Variants in ADAMTS12 observed in about 807,000 individuals in gnomAD.
The protein encoded by ADAMTS12 is A disintegrin and metalloproteinase with thrombospondin motifs 12.
ADAMTS12 carries 118 observed loss-of-function variants against 167.8 expected under a neutral mutation model. The observed-to-expected ratio is 0.70, with a 90% CI of 0.61 to 0.82. The LOEUF is 0.82. Among genes scored for constraint, ADAMTS12 ranks in the 40% least tolerant of loss-of-function variants. The pLI is 0.00. For synonymous variants in ADAMTS12, 704 were observed against 716.9 expected (o/e 0.98, Z 0.29); for missense variants, 1,916 against 1,998.8 (o/e 0.96, Z 0.79).
At chr5:33,648,605 T>G (rs1740764173) in intron 9 of ADAMTS12, among the ~76,000 whole-genome samples, 1 of 152,192 alleles carries the variant, frequency 6.6e-6, no homozygotes, top group African/African-American at 2.4e-5. Context: ...ACCACCCAGT[T>G]GCAATGGAAT....
rs573610047 is a variant in ADAMTS12 at position 33,596,479 on chromosome 5, C to G, written c.2528-419G>C. On this transcript the variant is annotated intron_variant, in intron 16 of 23. Transcript: ENST00000504830. ...GGTGGATCACTTGAGGTCAGAAGTT[C>G]GAGATCAGCCTGGCCAAAATGGTGA... 7.9e-5 allele frequency among the ~76,000 whole-genome samples: 12 copies of G among 152,198 alleles called. 1 individual carries two copies. In the South Asian group the frequency reaches 2.5e-3, roughly 32 times the overall value.
At chr5:33,717,881 G>A (rs1743668958) in intron 3 of ADAMTS12, among the ~76,000 whole-genome samples, 1 of 152,186 alleles carries the variant, frequency 6.6e-6, no homozygotes, top group South Asian at 2.1e-4. Flanking sequence ...AAAAGAAAAT[G>A]ACATTGGAAG....
At chr5:33,604,706 T>C (rs1394041668) in intron 16 of ADAMTS12, among the ~76,000 whole-genome samples, 1 of 152,054 alleles carries the variant, frequency 6.6e-6, no homozygotes, top group Non-Finnish European at 1.5e-5. Context: ...ACAACAGTTC[T>C]AAACAATCAT....
At position 33,524,262 on chromosome 5, in the gene ADAMTS12, T is replaced by A. The variant is rs1295063147; in HGVS notation, c.*2926A>T. The A allele has an allele frequency of 6.6e-6, 1 of 152,206 alleles. No individual in the cohort carries two copies. The highest frequency in any genetic ancestry group is 1.5e-5 in the Non-Finnish European group (1 of 68,038). 9.4% of individuals were successfully genotyped at this position (152,206 alleles called of 1,614,324 possible). On this transcript the variant is annotated 3_prime_UTR_variant, in exon 24 of 24. Coordinates refer to ENST00000504830, the MANE Select transcript of ADAMTS12 (RefSeq NM_030955.4). ...TGAAGAAAGTAATCACTATTAAGTC[T>A]CCTGGAATATTGTTCTCTCGTGGTG...
chr5:33,775,068 C>T (rs933902147), intron 2 of ADAMTS12, among the ~76,000 whole-genome samples: 3 of 152,076 alleles, frequency 2.0e-5, no homozygotes, highest in African/African-American at 7.2e-5. Context: ...TAAAGCTCCC[C>T]AGGTCATTCT....
At position 33,699,952 on chromosome 5, in the gene ADAMTS12, A is replaced by C. The variant is rs1023273189; in HGVS notation, c.635-15897T>G. Among the ~76,000 whole-genome samples, 84 of 152,354 alleles carry C rather than the reference A, an allele frequency of 5.5e-4. 1 individual carries two copies. The South Asian group carries it at 0.017, about 30-fold the overall frequency. On this transcript the variant is annotated intron_variant, in intron 3 of 23. Coordinates refer to ENST00000504830, the MANE Select transcript of ADAMTS12 (RefSeq NM_030955.4). ...AAAAGCACATGAAAAGTTAGTCAAC[A>C]TCATTAGCTATCAGGGAAATGCAAA...
intron 2 of ADAMTS12, among the ~76,000 whole-genome samples, chr5:33,868,244 T>C (rs910058618): frequency 2.4e-4 from 36 of 152,186 alleles, no homozygotes; most frequent in Non-Finnish European, 2.5e-4. Context: ...TAAAGATACC[T>C]GAAAATGTGG....
At chr5:33,648,612 G>A (rs568044802) in intron 9 of ADAMTS12, among the ~76,000 whole-genome samples, 1 of 152,300 alleles carries the variant, frequency 6.6e-6, no homozygotes, top group East Asian at 1.9e-4. Context: ...AGTTGCAATG[G>A]AATATAGGCT....
rs144787417 is a variant in ADAMTS12 at position 33,731,864 on chromosome 5, AT to A, written c.634+19539del. Reference sequence around the variant, plus strand: ...AGACTATAAATTATTCCATATAGATATAAGATTTATAGGGTACTTAGGATTT... The same window carrying A: ...AGACTATAAATTATTCCATATAGATAAAGATTTATAGGGTACTTAGGATTT... On this transcript the variant is annotated intron_variant, in intron 3 of 23. Coordinates refer to ENST00000504830, the MANE Select transcript of ADAMTS12 (RefSeq NM_030955.4). Among the ~76,000 whole-genome samples, 1,414 of 152,320 alleles carry A rather than the reference AT, an allele frequency of 9.3e-3. 20 individuals are homozygous for A. Among genetic ancestry groups the A allele is most frequent in the African/African-American group, 0.033 (1,362 of 41,570 alleles).
intron 3 of ADAMTS12, among the ~76,000 whole-genome samples, chr5:33,725,022 T>A (rs1376544247): frequency 6.6e-6 from 1 of 152,170 alleles, no homozygotes; most frequent in Non-Finnish European, 1.5e-5. Flanking sequence ...ACCTTCCCCC[T>A]GCCTTCCCCA....
intron 3 of ADAMTS12, among the ~76,000 whole-genome samples, chr5:33,692,647 A>G (rs1304446661): frequency 2.0e-5 from 3 of 152,152 alleles, no homozygotes; most frequent in African/African-American, 7.2e-5. Context: ...GGGAGGCACT[A>G]TCTCTTCTCA....
chr5:33,747,913 T>C (rs1744846435), intron 3 of ADAMTS12, among the ~76,000 whole-genome samples: 2 of 152,216 alleles, frequency 1.3e-5, no homozygotes, highest in Admixed American at 6.5e-5. Context: ...TTTACAATTC[T>C]ACCCAAAGAA....
At position 33,526,998 on chromosome 5, in the gene ADAMTS12, G is replaced by A. The variant is rs1010003815; in HGVS notation, c.*190C>T. ...TCACCTTCCTATCAGGGAGCAGCAAGTACGGCAGCCTAGGCCTCCTGTGAG... is the reference window on the plus strand; with the variant it reads ...TCACCTTCCTATCAGGGAGCAGCAAATACGGCAGCCTAGGCCTCCTGTGAG... On this transcript the variant is annotated 3_prime_UTR_variant, in exon 24 of 24. Coordinates refer to ENST00000504830, the MANE Select transcript of ADAMTS12 (RefSeq NM_030955.4). 4.5e-5 allele frequency: 30 copies of A among 660,012 alleles called. No individual in the cohort carries two copies. The South Asian group carries it at 6.6e-4, about 15-fold the overall frequency. The allele number at this position is 660,012 out of a possible 1,614,324, so 40.9% of individuals were successfully genotyped here. A position where few individuals can be genotyped will look rare whatever the true frequency, so the allele number is the denominator to read the frequency against.
intron 23 of ADAMTS12, among the ~76,000 whole-genome samples, chr5:33,533,747 C>T (rs945378921): frequency 2.6e-5 from 4 of 152,168 alleles, no homozygotes; most frequent in African/African-American, 9.7e-5. Flanking sequence ...GGCCTCCATA[C>T]CTGTAGAGCA....
intron 22 of ADAMTS12, among the ~76,000 whole-genome samples, chr5:33,543,696 GC>G (rs1744819622): frequency 6.6e-6 from 1 of 152,154 alleles, no homozygotes; most frequent in Non-Finnish European, 1.5e-5. Context: ...GGGATGCAAG[GC>G]TGGTTCAATC....
At chr5:33,624,452 G>A in intron 13 of ADAMTS12, 101 bp from the exon 14 acceptor site, 6 of 1,506,704 alleles carry the variant, frequency 4.0e-6, no homozygotes, top group Non-Finnish European at 5.4e-6. Flanking sequence ...CATAAGACTG[G>A]GCAGGAGGTA....
chr5:33,853,878 C>G (rs905081319), intron 2 of ADAMTS12, among the ~76,000 whole-genome samples: 2 of 152,100 alleles, frequency 1.3e-5, no homozygotes, highest in African/African-American at 4.8e-5. Context: ...TCTAACAAGC[C>G]CTCAGGTGAT....
chr5:33,879,669 C>T (rs1040702123), intron 2 of ADAMTS12, among the ~76,000 whole-genome samples: 1 of 152,108 alleles, frequency 6.6e-6, no homozygotes, highest in Non-Finnish European at 1.5e-5. Context: ...TATGAAAATC[C>T]AAATTTACAG....
chr5:33,759,867 C>A (rs1336522760), intron 2 of ADAMTS12, among the ~76,000 whole-genome samples: 1 of 152,128 alleles, frequency 6.6e-6, no homozygotes, highest in Non-Finnish European at 1.5e-5. Flanking sequence ...TGATAGACAG[C>A]CATTCAGTCC....
Sources: allele counts gnomAD v4.1 joint callset (sites outside exome capture counted in the v4.1 genomes callset), GRCh38; gene constraint gnomAD v4.1.1; transcripts MANE v1.5; gene names NCBI Gene and HGNC (gene_info 2026-07-23, HGNC 2026-07-21).